GRAP: variants seen among roughly 807,000 people sequenced by gnomAD.
GRAP encodes the protein GRB2-related adapter protein.
A neutral mutation model predicts 9.1 loss-of-function variants in GRAP; 2 were observed. That is an observed-to-expected ratio of 0.22 (90% CI 0.09 to 0.69). The LOEUF is 0.69. Ranked by LOEUF, GRAP falls within the 30% of genes least tolerant of loss-of-function variation. The pLI is 0.81. For synonymous variants in GRAP, 68 were observed against 73.6 expected (o/e 0.92, Z 0.39); for missense variants, 113 against 179.4 (o/e 0.63, Z 2.12).
Position 19,021,419 on chromosome 17 carries a change from A to T in GRAP, c.*540T>A, listed in dbSNP as rs559049464. ...AGCTGAAGTCATGGGGCTGTTGAGG[A>T]GTTGGTGTCCACCTGGAGTCTGTCC... On this transcript the variant is annotated 3_prime_UTR_variant, in exon 5 of 5. Coordinates refer to ENST00000284154, the MANE Select transcript of GRAP (RefSeq NM_006613.4). The surrounding 1 kb of genome is among the most constrained non-coding windows in gnomAD (Gnocchi z 4.1). 2 of 164,616 alleles carry T rather than the reference A, an allele frequency of 1.2e-5. No individual in the cohort carries two copies. Among genetic ancestry groups the T allele is most frequent in the South Asian group, 4.0e-4 (2 of 4,942 alleles). 10.2% of individuals were successfully genotyped at this position (164,616 alleles called of 1,614,324 possible). A position where few individuals can be genotyped will look rare whatever the true frequency, so the allele number is the denominator to read the frequency against.
chr17:19,043,934 G>A (rs1380077159), intron 1 of GRAP, among the ~76,000 whole-genome samples: 3 of 148,650 alleles, frequency 2.0e-5, no homozygotes, highest in African/African-American at 7.4e-5. Flanking sequence ...GGTTACATTA[G>A]CTAATTTCTT....
At chr17:19,023,319 G>A (rs2044287749) in intron 4 of GRAP, among the ~76,000 whole-genome samples, 1 of 152,282 alleles carries the variant, frequency 6.6e-6, no homozygotes, top group Non-Finnish European at 1.5e-5. Context: ...CACATGGAAA[G>A]GTGGTGGGGA....
chr17:19,022,183 A>C, intron 4 of GRAP, 39 bp from the exon 5 acceptor site: 1 of 1,242,874 alleles, frequency 8.0e-7, no homozygotes, highest in Non-Finnish European at 1.1e-6. Flanking sequence ...TGCCTTCAGA[A>C]GCCCTGCAAC....
intron 4 of GRAP, among the ~76,000 whole-genome samples, chr17:19,023,875 G>T (rs1479349912): frequency 6.6e-6 from 1 of 151,962 alleles, no homozygotes; most frequent in Non-Finnish European, 1.5e-5. Flanking sequence ...TGCTCAGTGG[G>T]GGTCTGTACC....
intron 3 of GRAP, chr17:19,030,254 A>G (rs2044330605): frequency 2.2e-6 from 1 of 444,756 alleles, no homozygotes; most frequent in Non-Finnish European, 4.3e-6. Flanking sequence ...CAGCAGCAGC[A>G]GCAGCAGCAG....
Position 19,020,736 on chromosome 17 carries a change from G to A in GRAP, c.*1223C>T, listed in dbSNP as rs1036627757. The A allele has an allele frequency of 2.6e-6, 1 of 388,494 alleles. No individual in the cohort carries two copies. The highest frequency in any genetic ancestry group is 4.8e-6 in the Non-Finnish European group (1 of 206,722). 24.1% of individuals were successfully genotyped at this position (388,494 alleles called of 1,614,324 possible). ...GTTTTGAATACACAGGCTGGGTCAG[G>A]AGCAGTGAGATTTGCCAGCACTCAG... On this transcript the variant is annotated 3_prime_UTR_variant, in exon 5 of 5. Transcript: ENST00000284154.
chr17:19,027,764 A>C (rs897678780), intron 3 of GRAP, among the ~76,000 whole-genome samples: 1 of 132,066 alleles, frequency 7.6e-6, no homozygotes, highest in African/African-American at 2.8e-5. Flanking sequence ...TTGATGTTTT[A>C]AGATGAAAGA....
At chr17:19,025,608 T>C (rs961949207) in intron 3 of GRAP, among the ~76,000 whole-genome samples, 3 of 136,514 alleles carry the variant, frequency 2.2e-5, no homozygotes, top group East Asian at 4.5e-4. Flanking sequence ...CTTTCTTTTT[T>C]CTTTTCTTTT....
intron 4 of GRAP, among the ~76,000 whole-genome samples, chr17:19,023,434 T>C (rs2044288546): frequency 6.6e-6 from 1 of 152,128 alleles, no homozygotes; most frequent in Admixed American, 6.5e-5. Flanking sequence ...CAAGCTCAAG[T>C]GTCCCAGGGT....
chr17:19,025,644 G>A (rs1397468394), intron 3 of GRAP, among the ~76,000 whole-genome samples: 10 of 133,818 alleles, frequency 7.5e-5, no homozygotes, highest in Non-Finnish European at 9.3e-5. Context: ...GCGTAGTCTC[G>A]CTCTGTCACC....
intron 4 of GRAP, among the ~76,000 whole-genome samples, chr17:19,023,574 T>C (rs1597925193): frequency 1.3e-5 from 2 of 152,212 alleles, no homozygotes; most frequent in Admixed American, 6.5e-5. Context: ...GGCTCCTTGA[T>C]GAAAGGGCTG....
chr17:19,024,477 C>T lies in GRAP; in HGVS notation c.300-94G>A. On this transcript the variant is annotated intron_variant, in intron 3 of 4. Transcript: ENST00000284154. The surrounding 1 kb of genome is among the most constrained non-coding windows in gnomAD (Gnocchi z 4.2). ...CGTCTCACTACCACCTGGAACCAGC[C>T]TGTCTCACGGTGGGACCTGGAGTCA... The T allele has an allele frequency of 6.7e-7, 1 of 1,503,398 alleles. No homozygotes were observed. The highest frequency in any genetic ancestry group is 2.4e-4 in the Middle Eastern group (1 of 4,112). 93.1% of individuals were successfully genotyped at this position (1,503,398 alleles called of 1,614,324 possible).
At chr17:19,025,567 C>T (rs954586538) in intron 3 of GRAP, among the ~76,000 whole-genome samples, 2 of 139,290 alleles carry the variant, frequency 1.4e-5, no homozygotes, top group African/African-American at 5.4e-5. Context: ...GCCCCAAGTA[C>T]CTTCTAGCCC....
intron 3 of GRAP, among the ~76,000 whole-genome samples, chr17:19,030,202 GC>G (rs1266203918): frequency 1.5e-5 from 2 of 132,272 alleles, no homozygotes; most frequent in African/African-American, 6.7e-5. Context: ...AGCCAGTCCT[GC>G]CCAGCGAGTT....
intron 4 of GRAP, chr17:19,022,524 A>C: frequency 4.9e-6 from 1 of 204,826 alleles, no homozygotes. Context: ...CCAGGCCACA[A>C]AGCCATGAGA....
upstream of GRAP, among the ~76,000 whole-genome samples, chr17:19,048,158 T>C (rs1597931450): frequency 2.7e-5 from 3 of 109,254 alleles, no homozygotes; most frequent in African/African-American, 6.5e-5. Flanking sequence ...AGTCTCCTTC[T>C]CAAAAAAAAA....
At position 19,024,004 on chromosome 17, in the gene GRAP, T is replaced by C. The variant is rs1597925472; in HGVS notation, c.468+211A>G. Among the ~76,000 whole-genome samples, 1 of 152,208 alleles carries C rather than the reference T, an allele frequency of 6.6e-6. No homozygotes were observed. The highest frequency in any genetic ancestry group is 1.9e-4 in the East Asian group (1 of 5,202). ...ATTTTCCTTCTGTCCTTTGCTTTTC[T>C]TTCCCTCTTCTCCTTTCCCACCCTT... On this transcript the variant is annotated intron_variant, in intron 4 of 4. Coordinates refer to ENST00000284154, the MANE Select transcript of GRAP (RefSeq NM_006613.4). This position sits in a 1 kb window ranked among gnomAD's most constrained non-coding sequence, Gnocchi z 4.2.
At chr17:19,030,045 T>C (rs1478509989) in intron 3 of GRAP, among the ~76,000 whole-genome samples, 2 of 70,288 alleles carry the variant, frequency 2.8e-5, no homozygotes, top group African/African-American at 8.5e-5. Context: ...GTGACTGTTA[T>C]GTGTGAGTCT....
At chr17:19,025,665 T>G (rs897818843) in intron 3 of GRAP, among the ~76,000 whole-genome samples, 1 of 134,706 alleles carries the variant, frequency 7.4e-6, no homozygotes, top group Non-Finnish European at 1.6e-5. Context: ...CAGGCTAGAG[T>G]GCAATGGCGC....
Sources: allele counts gnomAD v4.1 joint callset (sites outside exome capture counted in the v4.1 genomes callset), GRCh38; gene constraint gnomAD v4.1.1; non-coding constraint Gnocchi (gnomAD v3.1); transcripts MANE v1.5; gene names NCBI Gene and HGNC (gene_info 2026-07-23, HGNC 2026-07-21).